The following WWOX variants were observed in gnomAD, a reference collection of about 807,000 sequenced individuals.
WWOX encodes the protein WW domain-containing oxidoreductase.
WWOX carries 69 observed loss-of-function variants against 46.2 expected under a neutral mutation model. The ratio of observed to expected loss-of-function variants is 1.49; its 90% CI spans 1.23 to 1.82. WWOX has a LOEUF of 1.82. Ranked by LOEUF, WWOX falls within the 40% of genes most tolerant of loss-of-function variation. WWOX has a pLI of 0.00. For synonymous variants in WWOX, 359 were observed against 202.6 expected (o/e 1.77, Z -6.56); for missense variants, 919 against 542.6 (o/e 1.69, Z -6.89).
intron 8 of WWOX, among the ~76,000 whole-genome samples, chr16:78,760,633 G>A (rs1311423579): frequency 3.9e-5 from 6 of 152,124 alleles, no homozygotes; most frequent in Admixed American, 2.0e-4. Context: ...CCTTGTCTTT[G>A]GAGCTCACAG....
intron 8 of WWOX, among the ~76,000 whole-genome samples, chr16:78,983,824 A>C (rs2046730608): frequency 6.6e-6 from 1 of 151,638 alleles, no homozygotes; most frequent in African/African-American, 2.4e-5. Flanking sequence ...TAACTAATGC[A>C]GAACGATAGG....
At chr16:79,178,223 G>C (rs770141818) in intron 8 of WWOX, among the ~76,000 whole-genome samples, 2 of 152,184 alleles carry the variant, frequency 1.3e-5, no homozygotes, top group East Asian at 3.8e-4. Context: ...ATGAACAAGT[G>C]ACTATTTGCT....
At chr16:79,082,446 C>A (rs138121482) in intron 8 of WWOX, among the ~76,000 whole-genome samples, 1 of 152,252 alleles carries the variant, frequency 6.6e-6, no homozygotes, top group East Asian at 1.9e-4. Context: ...CCAGGAGAAG[C>A]AGGTACTCAG....
intron 8 of WWOX, among the ~76,000 whole-genome samples, chr16:79,046,268 G>A (rs950644408): frequency 6.6e-6 from 1 of 151,794 alleles, no homozygotes; most frequent in Non-Finnish European, 1.5e-5. Flanking sequence ...TTTTTCCCTT[G>A]AACTGTAAAG....
At chr16:78,317,732 G>GCCC (rs2080384658) in intron 5 of WWOX, among the ~76,000 whole-genome samples, 1 of 152,018 alleles carries the variant, frequency 6.6e-6, no homozygotes, top group African/African-American at 2.4e-5. Flanking sequence ...CTCCCCATGG[G>GCCC]CCCCCTTCAC....
In WWOX at chr16:78,264,062, T is replaced by G. The variant is rs572578146; in HGVS notation, c.516+99773T>G. On this transcript the variant is annotated intron_variant, in intron 5 of 8. Transcript: ENST00000566780. ...AAATGTTCATTTATCTCTGGATGGT[T>G]TGTTTCTGGCCACCTGCCCTAAGTG... is the stretch of plus-strand genomic sequence containing the variant. 2.0e-5 allele frequency among the ~76,000 whole-genome samples: 3 copies of G among 147,592 alleles called. No individual in the cohort carries two copies. In the South Asian group the frequency reaches 6.6e-4, roughly 33 times the overall value.
At chr16:78,810,333 C>A (rs900051099) in intron 8 of WWOX, among the ~76,000 whole-genome samples, 16 of 152,204 alleles carry the variant, frequency 1.1e-4, no homozygotes, top group African/African-American at 2.9e-4. Context: ...ATCACCTACC[C>A]TGCCTCATAT....
chr16:78,563,336 C>T (rs1010008760), intron 8 of WWOX, among the ~76,000 whole-genome samples: 1 of 151,958 alleles, frequency 6.6e-6, no homozygotes, highest in South Asian at 2.1e-4. Context: ...TTTCAATACT[C>T]TGAATATCAC....
At chr16:79,068,702 T>C (rs1478395975) in intron 8 of WWOX, among the ~76,000 whole-genome samples, 1 of 151,550 alleles carries the variant, frequency 6.6e-6, no homozygotes, top group Non-Finnish European at 1.5e-5. Flanking sequence ...TCCCAGCCAC[T>C]CAGGAGGCTG....
chr16:79,106,582 ATTTTTTTTTTTTT>A (rs752318131), intron 8 of WWOX: 8,439 of 79,812 alleles, frequency 0.11, 387 homozygotes, highest in Non-Finnish European at 0.11. Flanking sequence ...TCTTAAAATA[ATTTTTTTTTTTTT>A]TTTTTTTTTT....
At chr16:78,231,917 A>G (rs1397007250) in intron 5 of WWOX, among the ~76,000 whole-genome samples, 2 of 151,826 alleles carry the variant, frequency 1.3e-5, no homozygotes, top group African/African-American at 4.8e-5. Context: ...TTCCTGCACA[A>G]TATGGAATTC....
chr16:78,675,749 G>A (rs1012955670), intron 8 of WWOX, among the ~76,000 whole-genome samples: 1 of 152,158 alleles, frequency 6.6e-6, no homozygotes, highest in Non-Finnish European at 1.5e-5. Flanking sequence ...CAAGACAGAA[G>A]GATTGCTTGA....
chr16:78,417,857 C>G (rs1015631596), intron 6 of WWOX, among the ~76,000 whole-genome samples: 3 of 152,140 alleles, frequency 2.0e-5, no homozygotes, highest in East Asian at 1.9e-4. Context: ...TGTCAAATAA[C>G]TGCAACTGAC....
chr16:78,900,172 G>A (rs896889749), intron 8 of WWOX, among the ~76,000 whole-genome samples: 1 of 144,244 alleles, frequency 6.9e-6, no homozygotes, highest in Admixed American at 7.2e-5. Context: ...TCATCATTTT[G>A]CCAGAGTAGG....
intron 8 of WWOX, among the ~76,000 whole-genome samples, chr16:78,585,072 G>A (rs143571822): frequency 0.012 from 1,804 of 152,190 alleles, 28 homozygotes; most frequent in Middle Eastern, 0.051. Flanking sequence ...AGGCAGTTAC[G>A]GATCTTTTAC....
chr16:78,571,062 G>T (rs1394784566), intron 8 of WWOX, among the ~76,000 whole-genome samples: 2 of 152,176 alleles, frequency 1.3e-5, no homozygotes, highest in African/African-American at 4.8e-5. Flanking sequence ...ATTGAGGTTT[G>T]AAGGGAAGTA....
rs1273788728 is a variant in WWOX, at chr16:78,345,917, A to G, written c.517-40943A>G. The stretch of plus-strand genomic sequence containing the variant: ...TGCATCCATTTAAATATACAATTCA[A>G]TGAGTTTTGACAGATGCACATGCCC... On this transcript the variant is annotated intron_variant, in intron 5 of 8. Transcript: ENST00000566780. Among the ~76,000 whole-genome samples the G allele has an allele frequency of 2.5e-5, 3 of 119,402 alleles. 1 individual carries two copies. Among genetic ancestry groups the G allele is most frequent in the Non-Finnish European group, 4.0e-5 (2 of 50,544 alleles). 78.3% of individuals were successfully genotyped at this position (119,402 alleles called of 152,430 possible). A position where few individuals can be genotyped will look rare whatever the true frequency, so the allele number is the denominator to read the frequency against.
At chr16:78,909,318 T>C (rs371771373) in intron 8 of WWOX, among the ~76,000 whole-genome samples, 1 of 152,232 alleles carries the variant, frequency 6.6e-6, no homozygotes, top group East Asian at 1.9e-4. Context: ...GAAAGAATTT[T>C]AGAATCCAGA....
At chr16:78,460,384 G>A (rs2083921799) in intron 8 of WWOX, among the ~76,000 whole-genome samples, 1 of 152,144 alleles carries the variant, frequency 6.6e-6, no homozygotes, top group Non-Finnish European at 1.5e-5. Context: ...CAAAGTGCTG[G>A]GATTATAGGT....
Sources: allele counts gnomAD v4.1 joint callset (sites outside exome capture counted in the v4.1 genomes callset), GRCh38; gene constraint gnomAD v4.1.1; transcripts MANE v1.5; gene names NCBI Gene and HGNC (gene_info 2026-07-23, HGNC 2026-07-21).